The following GLRA3 variants were observed in gnomAD, a reference collection of about 807,000 sequenced individuals.
GLRA3 encodes glycine receptor alpha 3.
Under a neutral mutation model 60.4 loss-of-function variants are expected in GLRA3, and 44 were observed. The observed-to-expected ratio is 0.73, with a 90% CI of 0.57 to 0.94. The LOEUF (loss-of-function observed/expected upper bound fraction) is 0.94. Ranked by LOEUF, GLRA3 falls within the 40% of genes least tolerant of loss-of-function variation. The probability of loss-of-function intolerance (pLI) is 0.00; values close to 1 mark genes in which losing one functional copy is unlikely to be tolerated. For missense variants in GLRA3, 508 were observed against 564.6 expected (o/e 0.90, Z 1.02); for synonymous variants, 223 against 192.9 (o/e 1.16, Z -1.29).
At chr4:174,752,566 G>A (rs1737531899) in intron 3 of GLRA3, among the ~76,000 whole-genome samples, 1 of 151,864 alleles carries the variant, frequency 6.6e-6, no homozygotes, top group Admixed American at 6.6e-5. Context: ...AAAAGGTAGA[G>A]AGTAATTCTT....
intron 7 of GLRA3, among the ~76,000 whole-genome samples, chr4:174,673,852 T>C (rs1394375996): frequency 6.6e-6 from 1 of 152,124 alleles, no homozygotes; most frequent in Non-Finnish European, 1.5e-5. Context: ...CCCCTAACCT[T>C]CCCTATTAGT....
intron 5 of GLRA3, among the ~76,000 whole-genome samples, chr4:174,708,137 A>C (rs1339170934): frequency 6.6e-6 from 1 of 152,204 alleles, no homozygotes; most frequent in East Asian, 1.9e-4. Context: ...AACAAAAAAC[A>C]TAATATTATT....
rs567755518 is a variant in GLRA3 at position 174,687,278 on chromosome 4, C to T, written c.575-4339G>A. ...AGTAAAAACAATGCCACTTTTATTT[C>T]GGAATGTTCTTGATCTTTGATGAAG... is the stretch of plus-strand genomic sequence containing the variant. On this transcript the variant is annotated intron_variant, in intron 5 of 9. Coordinates refer to ENST00000274093, the MANE Select transcript of GLRA3 (RefSeq NM_006529.4). Among the ~76,000 whole-genome samples the T allele has an allele frequency of 9.2e-4, 140 of 152,160 alleles. 1 individual carries two copies. Among genetic ancestry groups the T allele is most frequent in the Non-Finnish European group, 1.3e-3 (85 of 67,996 alleles).
intron 3 of GLRA3, among the ~76,000 whole-genome samples, chr4:174,760,907 G>A (rs1737919386): frequency 6.6e-6 from 1 of 152,006 alleles, no homozygotes; most frequent in South Asian, 2.1e-4. Context: ...ACATATACAA[G>A]CATGGAGTAT....
chr4:174,797,551 A>C (rs181921939), intron 1 of GLRA3, among the ~76,000 whole-genome samples: 1 of 152,224 alleles, frequency 6.6e-6, no homozygotes, highest in Admixed American at 6.5e-5. Flanking sequence ...TTGAAAGTTC[A>C]GAAACTTTAA....
At chr4:174,774,737 T>C (rs1011425854) in intron 2 of GLRA3, among the ~76,000 whole-genome samples, 2 of 152,264 alleles carry the variant, frequency 1.3e-5, no homozygotes, top group East Asian at 1.9e-4. Context: ...AAATAAAATA[T>C]GATGTGATTC....
At chr4:174,745,227 A>G (rs967187687) in intron 3 of GLRA3, among the ~76,000 whole-genome samples, 1 of 152,216 alleles carries the variant, frequency 6.6e-6, no homozygotes, top group African/African-American at 2.4e-5. Context: ...AAGCCTATTT[A>G]ATGAAATAAT....
chr4:174,698,792 T>C (rs1735175376), intron 5 of GLRA3, among the ~76,000 whole-genome samples: 1 of 152,142 alleles, frequency 6.6e-6, no homozygotes, highest in Admixed American at 6.5e-5. Context: ...TTGCAATATA[T>C]TTATTGAAGT....
intron 1 of GLRA3, among the ~76,000 whole-genome samples, chr4:174,795,676 T>A (rs1369581210): frequency 6.6e-6 from 1 of 152,216 alleles, no homozygotes; most frequent in Admixed American, 6.5e-5. Flanking sequence ...ATATGGTATA[T>A]ATTGCAAAAA....
At chr4:174,740,930 G>A (rs1736997705) in intron 3 of GLRA3, among the ~76,000 whole-genome samples, 1 of 152,106 alleles carries the variant, frequency 6.6e-6, no homozygotes, top group African/African-American at 2.4e-5. Context: ...CCTCCTAATT[G>A]CTGAGTTGCA....
intron 3 of GLRA3, among the ~76,000 whole-genome samples, chr4:174,741,750 C>T (rs77097369): frequency 0.022 from 3,289 of 152,046 alleles, 83 homozygotes; most frequent in South Asian, 0.06. Flanking sequence ...CGGTCAACTA[C>T]GAGTTAATTT....
chr4:174,739,603 T>A (rs193070903), intron 3 of GLRA3, among the ~76,000 whole-genome samples: 1 of 152,102 alleles, frequency 6.6e-6, no homozygotes, highest in Non-Finnish European at 1.5e-5. Flanking sequence ...TAGAGAATCA[T>A]AGGAAGCCCA....
intron 2 of GLRA3, among the ~76,000 whole-genome samples, chr4:174,782,200 G>C (rs1251186552): frequency 6.7e-6 from 1 of 148,378 alleles, no homozygotes; most frequent in East Asian, 2.0e-4. Context: ...CATATAAACA[G>C]AGCCAAAGAC....
At chr4:174,675,670 C>T (rs10008774) in intron 7 of GLRA3, among the ~76,000 whole-genome samples, 26,259 of 152,014 alleles carry the variant, frequency 0.17, 2,550 homozygotes, top group African/African-American at 0.26. Flanking sequence ...CATTTATAAA[C>T]AGATTTATAA....
chr4:174,799,283 C>T (rs1303185047), intron 1 of GLRA3, among the ~76,000 whole-genome samples: 1 of 152,070 alleles, frequency 6.6e-6, no homozygotes, highest in Non-Finnish European at 1.5e-5. Flanking sequence ...AAAGTAGAAG[C>T]CTACACTTTA....
intron 3 of GLRA3, among the ~76,000 whole-genome samples, chr4:174,766,529 T>C (rs1386488582): frequency 6.6e-6 from 1 of 152,128 alleles, no homozygotes; most frequent in Non-Finnish European, 1.5e-5. Flanking sequence ...TCTATAAGTA[T>C]AATGTTTTGG....
chr4:174,659,605 T>G (rs1212430035), intron 7 of GLRA3, among the ~76,000 whole-genome samples: 2 of 151,888 alleles, frequency 1.3e-5, no homozygotes, highest in Non-Finnish European at 2.9e-5. Context: ...TTCATTGCAT[T>G]TATAAATAAT....
intron 1 of GLRA3, among the ~76,000 whole-genome samples, chr4:174,819,235 G>A (rs1370905800): frequency 6.6e-6 from 1 of 152,142 alleles, no homozygotes. Flanking sequence ...ACAGTCAAGT[G>A]CTGACAATGA....
intron 5 of GLRA3, 39 bp from the exon 6 acceptor site, chr4:174,682,978 G>C: frequency 1.3e-6 from 2 of 1,543,776 alleles, no homozygotes; most frequent in Middle Eastern, 1.7e-4. Context: ...AGTCTAAAAA[G>C]GGCATTCAAA....
Sources: allele counts gnomAD v4.1 joint callset (sites outside exome capture counted in the v4.1 genomes callset), GRCh38; gene constraint gnomAD v4.1.1; transcripts MANE v1.5; gene names NCBI Gene and HGNC (gene_info 2026-07-23, HGNC 2026-07-21).